QTGAL: variants seen among roughly 807,000 people sequenced by gnomAD.
The protein encoded by QTGAL is BGnT-like protein 1.
the QTGAL span, chr17:83,005,455 C>A: frequency 9.5e-6 from 6 of 629,466 alleles, no homozygotes; most frequent in South Asian, 1.1e-4. This position sits in a 1 kb window ranked among gnomAD's most constrained non-coding sequence, Gnocchi z 5.6. Flanking sequence ...ACGCGCATCT[C>A]GGCGGTGAAC....
At chr17:82,957,445 G>A in the QTGAL span, 9,361 of 1,611,302 alleles carry the variant, frequency 5.8e-3, 433 homozygotes, top group African/African-American at 0.1. Context: ...GCCCAGCGGG[G>A]CAGGGCCTGC....
the QTGAL span, among the ~76,000 whole-genome samples, chr17:83,000,569 G>A: frequency 6.9e-5 from 10 of 144,296 alleles, no homozygotes; most frequent in South Asian, 2.3e-4. Flanking sequence ...ATAGATTTGT[G>A]TATAATTTTT....
chr17:82,977,741 A>G, the QTGAL span, among the ~76,000 whole-genome samples: 2 of 152,044 alleles, frequency 1.3e-5, no homozygotes, highest in Non-Finnish European at 2.9e-5. Flanking sequence ...CAGGACGGTG[A>G]CGCCCGAGAG....
At chr17:83,036,946 G>A in the QTGAL span, among the ~76,000 whole-genome samples, 1 of 152,102 alleles carries the variant, frequency 6.6e-6, no homozygotes, top group African/African-American at 2.4e-5. Context: ...TGCCAATGGC[G>A]GGTGGATCAG....
At chr17:83,035,179 A>G in the QTGAL span, 1 of 1,188,134 alleles carries the variant, frequency 8.4e-7, no homozygotes, top group Non-Finnish European at 1.2e-6. Context: ...AGTATATGAT[A>G]TTCTTTTTTT....
At chr17:82,970,271 G>A in the QTGAL span, among the ~76,000 whole-genome samples, 2 of 152,228 alleles carry the variant, frequency 1.3e-5, no homozygotes, top group African/African-American at 4.8e-5. Context: ...CGGGCCCCGA[G>A]GCCCCCTGAG....
At chr17:83,010,665 C>T in the QTGAL span, among the ~76,000 whole-genome samples, 1 of 152,254 alleles carries the variant, frequency 6.6e-6, no homozygotes, top group African/African-American at 2.4e-5. Context: ...AAACAGAACA[C>T]CTGGAAGTCC....
chr17:82,972,474 G>T, the QTGAL span, among the ~76,000 whole-genome samples: 112 of 114,666 alleles, frequency 9.8e-4, no homozygotes, highest in East Asian at 0.018. Context: ...CCACACCACA[G>T]GGGCTAGAAG....
the QTGAL span, chr17:82,981,171 C>T: frequency 6.6e-6 from 1 of 152,220 alleles, no homozygotes; most frequent in Admixed American, 6.5e-5. Context: ...ATCCATGATC[C>T]TAGTTCCAGC....
chr17:83,036,729 G>A, the QTGAL span, among the ~76,000 whole-genome samples: 1 of 152,284 alleles, frequency 6.6e-6, no homozygotes, highest in East Asian at 1.9e-4. Context: ...ACCGTCCTGG[G>A]TGCTGCCCTG....
At chr17:82,958,352 C>A in the QTGAL span, among the ~76,000 whole-genome samples, 2 of 152,260 alleles carry the variant, frequency 1.3e-5, no homozygotes, top group African/African-American at 2.4e-5. Context: ...TCCTGGGATG[C>A]CCTCTGCTGT....
the QTGAL span, among the ~76,000 whole-genome samples, chr17:83,009,981 AGCTGTGGAGGCCCCTGGTGTTGGGGG>A: frequency 3.3e-4 from 35 of 107,530 alleles, no homozygotes; most frequent in South Asian, 3.2e-3. Context: ...GGGGGAAGGG[AGCTGTGGAGGCCCCTGGTGTTGGGGG>A]GCTGTGGGGG....
chr17:82,946,032 A>G, the QTGAL span: 2 of 152,230 alleles, frequency 1.3e-5, no homozygotes, highest in African/African-American at 4.8e-5. Flanking sequence ...TCTTAAGTCT[A>G]TGTTCTCCTG....
chr17:82,961,305 G>C, the QTGAL span: 2 of 1,233,184 alleles, frequency 1.6e-6, no homozygotes, highest in South Asian at 2.8e-5. Flanking sequence ...TTGTTGCAAA[G>C]AAACCGGTCT....
chr17:82,995,293 A>T, the QTGAL span, among the ~76,000 whole-genome samples: 5 of 152,090 alleles, frequency 3.3e-5, no homozygotes, highest in East Asian at 9.7e-4. Flanking sequence ...AAACCTAAAG[A>T]CTCCACCAAA....
chr17:82,968,226 G>A, the QTGAL span, among the ~76,000 whole-genome samples: 4 of 152,126 alleles, frequency 2.6e-5, no homozygotes, highest in Non-Finnish European at 4.4e-5. Flanking sequence ...GTGTGTTCAC[G>A]GCAGCTCCAC....
chr17:83,048,747 C>T, the QTGAL span: 2 of 1,614,116 alleles, frequency 1.2e-6, no homozygotes, highest in Admixed American at 1.7e-5. Context: ...AACATTCGTC[C>T]AGCCACGGTT....
chr17:82,977,434 G>T, the QTGAL span, among the ~76,000 whole-genome samples: 1 of 152,256 alleles, frequency 6.6e-6, no homozygotes, highest in East Asian at 1.9e-4. Context: ...TGGGAGGGGG[G>T]TGAGTACCGT....
At chr17:82,956,820 G>A in the QTGAL span, 4,117 of 1,543,310 alleles carry the variant, frequency 2.7e-3, 9 homozygotes, top group Non-Finnish European at 3.2e-3. The surrounding 1 kb of genome is among the most constrained non-coding windows in gnomAD (Gnocchi z 5.7). Flanking sequence ...GCTTGTCCCC[G>A]GAGAGACGCC....
Sources: gnomAD v4.1 joint callset for allele counts (sites outside exome capture counted in the v4.1 genomes callset) on GRCh38, gnomAD v4.1.1 for gene constraint, Gnocchi (gnomAD v3.1) non-coding constraint, MANE v1.5 for transcripts, NCBI Gene and HGNC (gene_info 2026-07-23, HGNC 2026-07-21) for gene names.